Variants in PCED1B observed in about 807,000 individuals in gnomAD.
The protein encoded by PCED1B is PC-esterase domain-containing protein 1B.
For synonymous variants in PCED1B, 251 were observed against 246.1 expected, an observed-to-expected ratio of 1.02 and a Z score of -0.19; for missense variants, 573 against 573.9, an observed-to-expected ratio of 1.00 and a Z score of 0.02.
chr12:47,168,334 G>A (rs1592229363), intron 2 of PCED1B, among the ~76,000 whole-genome samples: 1 of 152,166 alleles, frequency 6.6e-6, no homozygotes, highest in South Asian at 2.1e-4. Flanking sequence ...TTCCCTGTAG[G>A]TTTTTTGAAA....
At chr12:47,129,129 C>T (rs1489140808) in intron 2 of PCED1B, among the ~76,000 whole-genome samples, 1 of 152,128 alleles carries the variant, frequency 6.6e-6, no homozygotes, top group African/African-American at 2.4e-5. Flanking sequence ...TTCTGCCTTC[C>T]TTTGGTACTC....
At chr12:47,117,346 C>G (rs182092129) in intron 2 of PCED1B, among the ~76,000 whole-genome samples, 7 of 152,168 alleles carry the variant, frequency 4.6e-5, no homozygotes, top group Non-Finnish European at 1.0e-4. Flanking sequence ...ATCCCTCCCC[C>G]CTACCTCCAC....
chr12:47,185,433 A>G lies in PCED1B; in HGVS notation c.-525-30789A>G, dbSNP rs138909796. On this transcript the variant is annotated intron_variant, in intron 2 of 3. Transcript: ENST00000546455. ...GAATGCCAAGTATTGCTGGTGTAGG[A>G]GAGGAAAATAATTACCTTTTCTGTA... Among the ~76,000 whole-genome samples, 36 of 152,286 alleles carry G rather than the reference A, an allele frequency of 2.4e-4. 1 individual carries two copies. The East Asian group carries it at 5.2e-3, about 22-fold the overall frequency.
chr12:47,114,164 G>T (rs904441119), intron 2 of PCED1B, among the ~76,000 whole-genome samples: 11 of 152,144 alleles, frequency 7.2e-5, no homozygotes, highest in African/African-American at 2.7e-4. Flanking sequence ...GCAGCTATCA[G>T]AATTCAGATT....
intron 2 of PCED1B, among the ~76,000 whole-genome samples, chr12:47,106,147 G>A (rs992412143): frequency 6.6e-6 from 1 of 151,796 alleles, no homozygotes; most frequent in African/African-American, 2.4e-5. Flanking sequence ...CTCCTGGCCC[G>A]GTGCCCTTTC....
At chr12:47,087,496 T>C (rs1938044787) in intron 1 of PCED1B, among the ~76,000 whole-genome samples, 1 of 152,174 alleles carries the variant, frequency 6.6e-6, no homozygotes, top group Non-Finnish European at 1.5e-5. Context: ...CAGCAAATAT[T>C]GTTAGTCCTG....
chr12:47,219,129 A>G (rs1354125237), intron 3 of PCED1B, among the ~76,000 whole-genome samples: 1 of 152,208 alleles, frequency 6.6e-6, no homozygotes, highest in Non-Finnish European at 1.5e-5. Context: ...CAACAGAGTG[A>G]GACTCTATCT....
chr12:47,123,844 C>A (rs1052015949), intron 2 of PCED1B, among the ~76,000 whole-genome samples: 1 of 151,882 alleles, frequency 6.6e-6, no homozygotes, highest in Non-Finnish European at 1.5e-5. Flanking sequence ...GTAACTTGGC[C>A]TTTCTCTCAT....
At chr12:47,227,016 G>A (rs1943651445) in intron 3 of PCED1B, among the ~76,000 whole-genome samples, 1 of 151,976 alleles carries the variant, frequency 6.6e-6, no homozygotes, top group Non-Finnish European at 1.5e-5. Flanking sequence ...TTTAATGCTT[G>A]GTCTCTTAGC....
At chr12:47,229,034 A>G (rs977268707) in intron 3 of PCED1B, among the ~76,000 whole-genome samples, 1 of 152,026 alleles carries the variant, frequency 6.6e-6, no homozygotes, top group African/African-American at 2.4e-5. Context: ...CAAATATTGT[A>G]ATCTCTTCTT....
At chr12:47,134,292 G>A (rs1455757236) in intron 2 of PCED1B, among the ~76,000 whole-genome samples, 2 of 152,168 alleles carry the variant, frequency 1.3e-5, no homozygotes, top group African/African-American at 4.8e-5. Flanking sequence ...ATATAGTTGT[G>A]TGTTTGTTTT....
chr12:47,227,492 G>GGTTCTAACT (rs1943668759), intron 3 of PCED1B, among the ~76,000 whole-genome samples: 1 of 151,982 alleles, frequency 6.6e-6, no homozygotes, highest in Non-Finnish European at 1.5e-5. Flanking sequence ...GTTCTAACTG[G>GGTTCTAACT]AATGCTTCTT....
intron 2 of PCED1B, among the ~76,000 whole-genome samples, chr12:47,155,702 G>A (rs944995876): frequency 4.4e-4 from 67 of 152,366 alleles, no homozygotes; most frequent in East Asian, 1.9e-4. Context: ...AGTGAGAGCT[G>A]AGATTGGAAC....
At position 47,235,619 on chromosome 12, in the gene PCED1B, G is replaced by A; in HGVS notation, c.556G>A (p.Ala186Thr). Residue 186 changes from alanine (A) to threonine (T), a missense_variant, in exon 4 of 4, where the codon GCC becomes ACC. Transcript: ENST00000546455. ...TCCGCCCAAGCTCCGGCGGCAGAAGGCCACCTTCCTGAAAAACGAAGTGGT... is the reference window on the plus strand; with the variant it reads ...TCCGCCCAAGCTCCGGCGGCAGAAGACCACCTTCCTGAAAAACGAAGTGGT... ...FLPPKLRRQKATFLKNEVVKA... is the reference protein window; with the variant it reads ...FLPPKLRRQKTTFLKNEVVKA... The A allele has an allele frequency of 6.2e-7, 1 of 1,610,220 alleles. No homozygotes were observed. Among genetic ancestry groups the A allele is most frequent in the Non-Finnish European group, 8.5e-7 (1 of 1,178,014 alleles).
rs1445669813 is a variant in PCED1B, at chr12:47,236,487, C to G, written c.*125C>G. On this transcript the variant is annotated 3_prime_UTR_variant, in exon 4 of 4. Coordinates refer to ENST00000546455, the MANE Select transcript of PCED1B (RefSeq NM_138371.3). Reference sequence around the variant, plus strand: ...AGCCTGGAGTCCATGCCTCGTCTTCCTTTTGTTCATTGCTGTTACCAAGAA... The same window carrying G: ...AGCCTGGAGTCCATGCCTCGTCTTCGTTTTGTTCATTGCTGTTACCAAGAA... 4.9e-6 allele frequency: 5 copies of G among 1,011,970 alleles called. No homozygotes were observed. Among genetic ancestry groups the G allele is most frequent in the African/African-American group, 1.6e-5 (1 of 61,004 alleles). The allele number at this position is 1,011,970 out of a possible 1,614,324, so 62.7% of individuals were successfully genotyped here.
intron 2 of PCED1B, chr12:47,206,649 C>T (rs2408718): frequency 0.21 from 31,791 of 152,022 alleles, 4,208 homozygotes; most frequent in Non-Finnish European, 0.3. Flanking sequence ...CATTTTTCAA[C>T]TGCTAGGTTT....
chr12:47,081,097 A>G (rs370312389), intron 1 of PCED1B, among the ~76,000 whole-genome samples: 2 of 152,230 alleles, frequency 1.3e-5, no homozygotes, highest in African/African-American at 4.8e-5. Flanking sequence ...TAATTCCAAG[A>G]TAAGTTTTAA....
intron 2 of PCED1B, among the ~76,000 whole-genome samples, chr12:47,127,369 C>CT (rs34788645): frequency 0.039 from 5,080 of 128,832 alleles, 117 homozygotes; most frequent in Middle Eastern, 0.096. Flanking sequence ...TTTTTTATTT[C>CT]TTTTTTTTTT....
chr12:47,167,024 G>A (rs1941566218), intron 2 of PCED1B, among the ~76,000 whole-genome samples: 1 of 152,170 alleles, frequency 6.6e-6, no homozygotes, highest in Admixed American at 6.5e-5. Context: ...TCTAGGTCAG[G>A]AGGCAAGTTA....
Sources: gnomAD v4.1 joint callset for allele counts (sites outside exome capture counted in the v4.1 genomes callset) on GRCh38, gnomAD v4.1.1 for gene constraint, MANE v1.5 for transcripts, NCBI Gene and HGNC (gene_info 2026-07-23, HGNC 2026-07-21) for gene names.